Variants in GALNTL6 observed in about 807,000 individuals in gnomAD.
The protein encoded by GALNTL6 is polypeptide N-acetylgalactosaminyltransferase like 6.
Under a neutral mutation model 73.7 loss-of-function variants are expected in GALNTL6, and 46 were observed. The observed-to-expected ratio is 0.62, with a 90% confidence interval of 0.49 to 0.80. The LOEUF is 0.80. Ranked by LOEUF, GALNTL6 falls within the 30% of genes least tolerant of loss-of-function variation. GALNTL6 has a pLI of 0.00. For synonymous variants in GALNTL6, 259 were observed against 263.7 expected, an observed-to-expected ratio of 0.98 and a Z score of 0.17; for missense variants, 604 against 755.0, an observed-to-expected ratio of 0.80 and a Z score of 2.34.
chr4:171,817,950 G>A (rs1453225684), intron 2 of GALNTL6, among the ~76,000 whole-genome samples: 3 of 151,362 alleles, frequency 2.0e-5, no homozygotes, highest in African/African-American at 7.3e-5. Flanking sequence ...ATTGTGATGT[G>A]TTATTTTCAA....
intron 5 of GALNTL6, among the ~76,000 whole-genome samples, chr4:172,730,846 C>T (rs566975143): frequency 2.9e-4 from 44 of 152,108 alleles, no homozygotes; most frequent in South Asian, 1.2e-3. Flanking sequence ...TTTGGGAGGC[C>T]GAGGCGGGCG....
rs554292636 is a variant in GALNTL6, at chr4:172,973,928, A to G, written c.1371+21670A>G. On this transcript the variant is annotated intron_variant, in intron 10 of 12. Coordinates refer to ENST00000506823, the MANE Select transcript of GALNTL6 (RefSeq NM_001034845.3). ...TTGGGAAATGTATAGATGAGGAAGT[A>G]CGTAAAATAATGATGGTGTTCAAAG... Among the ~76,000 whole-genome samples, 9 of 152,340 alleles carry G rather than the reference A, an allele frequency of 5.9e-5. No homozygotes were observed. In the East Asian group the frequency reaches 1.5e-3, roughly 26 times the overall value.
chr4:172,377,183 C>T (rs553800821), intron 5 of GALNTL6, among the ~76,000 whole-genome samples: 1 of 152,232 alleles, frequency 6.6e-6, no homozygotes, highest in South Asian at 2.1e-4. Flanking sequence ...TTACAGAGAG[C>T]TAGTTGGTCT....
At chr4:172,528,793 A>G (rs1181814337) in intron 5 of GALNTL6, among the ~76,000 whole-genome samples, 1 of 150,474 alleles carries the variant, frequency 6.6e-6, no homozygotes, top group Non-Finnish European at 1.5e-5. Context: ...TGTGTTCTTC[A>G]TCATAAGGAT....
intron 7 of GALNTL6, among the ~76,000 whole-genome samples, chr4:172,850,511 C>T (rs1051503637): frequency 7.9e-5 from 12 of 152,062 alleles, no homozygotes; most frequent in African/African-American, 2.7e-4. Context: ...AATACTTCAC[C>T]GCTTGGTCAC....
At chr4:172,364,676 T>C (rs1343117347) in intron 5 of GALNTL6, among the ~76,000 whole-genome samples, 1 of 152,168 alleles carries the variant, frequency 6.6e-6, no homozygotes, top group Admixed American at 6.5e-5. Flanking sequence ...ATTTGATCCA[T>C]TGTCATTTAC....
intron 7 of GALNTL6, among the ~76,000 whole-genome samples, chr4:172,876,487 G>C (rs1406634299): frequency 6.6e-6 from 1 of 152,052 alleles, no homozygotes; most frequent in African/African-American, 2.4e-5. Context: ...CTTTCATTTT[G>C]AGAAGCTCTG....
intron 2 of GALNTL6, among the ~76,000 whole-genome samples, chr4:172,157,695 C>A (rs1278921689): frequency 6.6e-6 from 1 of 152,168 alleles, no homozygotes; most frequent in South Asian, 2.1e-4. Flanking sequence ...TTACTAGGAA[C>A]GATATTTTAA....
intron 2 of GALNTL6, among the ~76,000 whole-genome samples, chr4:172,145,962 A>C (rs1385724855): frequency 6.6e-6 from 1 of 152,216 alleles, no homozygotes; most frequent in Non-Finnish European, 1.5e-5. Flanking sequence ...ACAAGGAACT[A>C]AATTATGTGG....
chr4:172,989,643 C>A (rs767689376), intron 10 of GALNTL6, among the ~76,000 whole-genome samples: 26 of 152,200 alleles, frequency 1.7e-4, no homozygotes, highest in Non-Finnish European at 3.4e-4. Flanking sequence ...TAAAAGTGTG[C>A]AGCACCTCCC....
At chr4:172,405,592 A>G (rs1447192347) in intron 5 of GALNTL6, among the ~76,000 whole-genome samples, 3 of 151,530 alleles carry the variant, frequency 2.0e-5, no homozygotes, top group Non-Finnish European at 2.9e-5. Flanking sequence ...ATTCTAATGA[A>G]GTGGAAATAC....
At chr4:172,038,404 A>G (rs368450846) in intron 2 of GALNTL6, among the ~76,000 whole-genome samples, 8 of 152,134 alleles carry the variant, frequency 5.3e-5, no homozygotes, top group African/African-American at 1.9e-4. Context: ...TATATATTCT[A>G]TCTTCCAGTT....
At chr4:173,023,564 G>C (rs1400903747) in intron 12 of GALNTL6, among the ~76,000 whole-genome samples, 1 of 152,116 alleles carries the variant, frequency 6.6e-6, no homozygotes, top group Non-Finnish European at 1.5e-5. Flanking sequence ...GGCTGAGGCA[G>C]GAGAATTGCC....
intron 5 of GALNTL6, among the ~76,000 whole-genome samples, chr4:172,442,875 A>G (rs1731881944): frequency 6.6e-6 from 1 of 152,034 alleles, no homozygotes; most frequent in Non-Finnish European, 1.5e-5. Context: ...AAAAATACCA[A>G]TAACATTAAA....
intron 5 of GALNTL6, among the ~76,000 whole-genome samples, chr4:172,398,592 T>A (rs1411846432): frequency 6.6e-6 from 1 of 152,176 alleles, no homozygotes; most frequent in Admixed American, 6.6e-5. Context: ...AGTACTAAGT[T>A]AAAGAGTATG....
chr4:172,013,970 A>C (rs1190373225), intron 2 of GALNTL6, among the ~76,000 whole-genome samples: 2 of 151,104 alleles, frequency 1.3e-5, no homozygotes, highest in Non-Finnish European at 3.0e-5. Context: ...GAACATGTAA[A>C]GTTTGTCTTT....
chr4:173,005,534 A>T (rs75839658), intron 10 of GALNTL6, among the ~76,000 whole-genome samples: 18 of 151,958 alleles, frequency 1.2e-4, no homozygotes, highest in South Asian at 8.3e-4. Context: ...ATTTAAAAAA[A>T]ATATATTATT....
At chr4:173,019,398 T>C (rs1304736908) in intron 11 of GALNTL6, among the ~76,000 whole-genome samples, 1 of 152,110 alleles carries the variant, frequency 6.6e-6, no homozygotes, top group Non-Finnish European at 1.5e-5. Flanking sequence ...GAGAGAACCC[T>C]GAGCAACACC....
In GALNTL6 at chr4:172,831,333, C is replaced by T. The variant is rs562558733; in HGVS notation, c.923+17610C>T. 3.7e-3 allele frequency among the ~76,000 whole-genome samples: 568 copies of T among 152,260 alleles called. 3 individuals carry two copies. Among genetic ancestry groups the T allele is most frequent in the African/African-American group, 0.013 (527 of 41,532 alleles). ...AGATGAGGAAAGCCTTGTCTCTGCT[C>T]TCTGAGTGGAGATGCATAAACACCC... is the stretch of plus-strand genomic sequence containing the variant. On this transcript the variant is annotated intron_variant, in intron 7 of 12. Coordinates refer to ENST00000506823, the MANE Select transcript of GALNTL6 (RefSeq NM_001034845.3).
Sources: gnomAD v4.1 joint callset for allele counts (sites outside exome capture counted in the v4.1 genomes callset) on GRCh38, gnomAD v4.1.1 for gene constraint, MANE v1.5 for transcripts, NCBI Gene and HGNC (gene_info 2026-07-23, HGNC 2026-07-21) for gene names.